GNPAT: variants seen among roughly 807,000 people sequenced by gnomAD.
The protein encoded by GNPAT is glyceronephosphate O-acyltransferase, also known as dihydroxyacetone phosphate acyltransferase.
Under a neutral mutation model 78.4 loss-of-function variants are expected in GNPAT, and 30 were observed. That is an observed-to-expected ratio of 0.38 (90% CI 0.29 to 0.52). The LOEUF is 0.52. GNPAT is among the 20% of genes least tolerant of loss of function. The pLI, the probability that GNPAT is intolerant of heterozygous loss-of-function variation, is 0.84. For synonymous variants in GNPAT, 271 were observed against 281.1 expected (o/e 0.96, Z 0.36); for missense variants, 714 against 812.2 (o/e 0.88, Z 1.47).
intron 9 of GNPAT, among the ~76,000 whole-genome samples, chr1:231,268,179 T>G (rs1685445211): frequency 6.6e-6 from 1 of 152,080 alleles, no homozygotes; most frequent in South Asian, 2.1e-4. Flanking sequence ...GGTAGGCGCC[T>G]GTAGTCCCAG....
chr1:231,254,056 G>C (rs745323311), intron 2 of GNPAT, among the ~76,000 whole-genome samples: 1 of 152,092 alleles, frequency 6.6e-6, no homozygotes, highest in Non-Finnish European at 1.5e-5. Context: ...CAGGTGATCC[G>C]CCCACCTCGG....
chr1:231,250,364 A>G (rs1007860854), intron 1 of GNPAT, among the ~76,000 whole-genome samples: 9 of 152,088 alleles, frequency 5.9e-5, no homozygotes, highest in African/African-American at 2.2e-4. Flanking sequence ...TAGGAGTTCA[A>G]GGCTGTAGTG....
chr1:231,259,370 G>A lies in GNPAT; in HGVS notation c.262-1137G>A, dbSNP rs764349378. 1.5e-4 allele frequency among the ~76,000 whole-genome samples: 23 copies of A among 152,118 alleles called. 1 individual carries two copies. The highest frequency in any genetic ancestry group is 8.3e-4 in the South Asian group (4 of 4,830). On this transcript the variant is annotated intron_variant, in intron 2 of 15. Coordinates refer to ENST00000366647, the MANE Select transcript of GNPAT (RefSeq NM_014236.4). ...TCACTTTAAAATGATTAATTTGGCC[G>A]GGTGTGGTGGCTCACGCCTGTAATC...
chr1:231,244,671 T>C (rs970368552), intron 1 of GNPAT, among the ~76,000 whole-genome samples: 1 of 152,162 alleles, frequency 6.6e-6, no homozygotes, highest in Non-Finnish European at 1.5e-5. Context: ...CATTCCATAG[T>C]GTTTGGAAGA....
chr1:231,256,955 T>C (rs1361199865), intron 2 of GNPAT, among the ~76,000 whole-genome samples: 1 of 152,196 alleles, frequency 6.6e-6, no homozygotes, highest in Non-Finnish European at 1.5e-5. Context: ...AAGTTTATAA[T>C]GTGGAGAAGA....
intron 1 of GNPAT, among the ~76,000 whole-genome samples, chr1:231,247,121 G>A (rs1397024875): frequency 1.3e-4 from 19 of 151,876 alleles, no homozygotes; most frequent in African/African-American, 3.9e-4. Context: ...AGCTGAGATC[G>A]TGCCACTGCA....
Position 231,272,302 on chromosome 1 carries a change from T to G in GNPAT, c.1523-10T>G, listed in dbSNP as rs1685591380. On this transcript the variant is annotated splice_polypyrimidine_tract_variant and intron_variant, in intron 10 of 15. Coordinates refer to ENST00000366647, the MANE Select transcript of GNPAT (RefSeq NM_014236.4). ...AATGTTGTAATTTTACATGATGCAT[T>G]TATTTCCAGAGGATGTCTACAGTTG... 1 of 1,482,586 alleles carries G rather than the reference T, an allele frequency of 6.7e-7. No homozygotes were observed. Among genetic ancestry groups the G allele is most frequent in the Admixed American group, 1.7e-5 (1 of 59,734 alleles). 91.8% of individuals were successfully genotyped at this position (1,482,586 alleles called of 1,614,324 possible). A position where few individuals can be genotyped will look rare whatever the true frequency, so the allele number is the denominator to read the frequency against.
intron 15 of GNPAT, among the ~76,000 whole-genome samples, chr1:231,276,889 G>A (rs1420175212): frequency 2.6e-5 from 4 of 152,164 alleles, no homozygotes; most frequent in Non-Finnish European, 4.4e-5. Flanking sequence ...TGAGTGGATC[G>A]TCTTCCAAGT....
chr1:231,268,126 C>T lies in GNPAT; in HGVS notation c.1279+223C>T, dbSNP rs189475006. 9.2e-4 allele frequency among the ~76,000 whole-genome samples: 140 copies of T among 152,132 alleles called. 3 individuals are homozygous for T. The East Asian group carries it at 0.026, about 29-fold the overall frequency. On this transcript the variant is annotated intron_variant, in intron 9 of 15. Transcript: ENST00000366647. ...GACCATCCTGGCTAACGCGGTGAAA[C>T]CCCGTCTCTACTAAAAAATAGAAAA...
chr1:231,277,908 G>A lies in GNPAT; in HGVS notation c.*366G>A, dbSNP rs1408310971. The stretch of plus-strand genomic sequence containing the variant: ...ACACTGAAAGCTCTGGATATTAAAA[G>A]AAAATGAAAAGGGCATATCTACGTT... On this transcript the variant is annotated 3_prime_UTR_variant, in exon 16 of 16. Coordinates refer to ENST00000366647, the MANE Select transcript of GNPAT (RefSeq NM_014236.4). 5.7e-6 allele frequency: 1 copy of A among 176,054 alleles called. No homozygotes were observed. Among genetic ancestry groups the A allele is most frequent in the Non-Finnish European group, 1.2e-5 (1 of 82,800 alleles). The allele number at this position is 176,054 out of a possible 1,614,324, so 10.9% of individuals were successfully genotyped here.
chr1:231,275,398 AT>A lies in GNPAT; in HGVS notation c.1844-3del, dbSNP rs2102828209. 2.5e-6 allele frequency: 4 copies of A among 1,601,426 alleles called. No individual in the cohort carries two copies. The highest frequency in any genetic ancestry group is 3.4e-6 in the Non-Finnish European group (4 of 1,168,496). ...GTCAACTAACTCTTCCTCACCCCCA[AT>A]TTTAGGTACCTCTCAATGTTATGAT... On this transcript the variant is annotated splice_polypyrimidine_tract_variant and splice_region_variant and intron_variant, in intron 13 of 15. Transcript: ENST00000366647.
At chr1:231,260,357 CTG>C (rs1273442563) in intron 2 of GNPAT, 148 bp from the exon 3 acceptor site, 1 of 625,714 alleles carries the variant, frequency 1.6e-6, no homozygotes, top group Middle Eastern at 3.7e-4. Flanking sequence ...TCTACTATGA[CTG>C]TGTTGGGAAG....
chr1:231,245,940 G>A (rs987823867), intron 1 of GNPAT, among the ~76,000 whole-genome samples: 1 of 152,012 alleles, frequency 6.6e-6, no homozygotes, highest in South Asian at 2.1e-4. Flanking sequence ...TTGCACTCCA[G>A]CCTGGGCAAC....
chr1:231,267,487 TC>T (rs1685422904), intron 8 of GNPAT, among the ~76,000 whole-genome samples, 192 bp from the exon 9 acceptor site: 1 of 152,102 alleles, frequency 6.6e-6, no homozygotes. Context: ...TTACCATCTC[TC>T]AAGAGGATAT....
At chr1:231,274,823 C>G (rs1047047237) in intron 12 of GNPAT, 15 of 272,934 alleles carry the variant, frequency 5.5e-5, no homozygotes, top group South Asian at 5.1e-4. Context: ...AATCACTGTT[C>G]TACAGTAGAA....
chr1:231,260,531 G>T lies in GNPAT; in HGVS notation c.286G>T (p.Val96Leu), dbSNP rs139378588. 382 of 1,609,960 alleles carry T rather than the reference G, an allele frequency of 2.4e-4. No homozygotes were observed. The highest frequency in any genetic ancestry group is 2.8e-4 in the Non-Finnish European group (334 of 1,176,486). ...KQLSKESLQS[V>L]DVLREEVSEI... ...GCTTTCCAAGGAATCCCTTCAATCTGTGGATGTCCTCCGAGAGGAAGTGAG... is the reference window on the plus strand; with the variant it reads ...GCTTTCCAAGGAATCCCTTCAATCTTTGGATGTCCTCCGAGAGGAAGTGAG... Residue 96 changes from valine (V) to leucine (L), a missense_variant, in exon 3 of 16, where the codon GTG becomes TTG. Physicochemically the swap from Val to Leu is conservative, Grantham distance 32 (BLOSUM62 1). Coordinates refer to ENST00000366647, the MANE Select transcript of GNPAT (RefSeq NM_014236.4).
At chr1:231,244,270 G>A (rs552146030) in intron 1 of GNPAT, among the ~76,000 whole-genome samples, 8 of 152,312 alleles carry the variant, frequency 5.3e-5, no homozygotes, top group African/African-American at 9.6e-5. Context: ...TGTAGGAAGA[G>A]AATCAGGTTG....
chr1:231,262,464 T>C (rs938273154), intron 3 of GNPAT, among the ~76,000 whole-genome samples: 3 of 152,232 alleles, frequency 2.0e-5, no homozygotes, highest in Non-Finnish European at 4.4e-5. Context: ...CCAACTAATA[T>C]ATGTTAGCGA....
intron 10 of GNPAT, among the ~76,000 whole-genome samples, chr1:231,271,788 A>G (rs1685573066): frequency 6.6e-6 from 1 of 152,140 alleles, no homozygotes; most frequent in South Asian, 2.1e-4. Flanking sequence ...GCCTGGTTGT[A>G]GGTTAGAGTC....
Sources: allele counts gnomAD v4.1 joint callset (sites outside exome capture counted in the v4.1 genomes callset), GRCh38; gene constraint gnomAD v4.1.1; transcripts MANE v1.5; gene names NCBI Gene and HGNC (gene_info 2026-07-23, HGNC 2026-07-21).